The following SEMA3D variants were observed in gnomAD, a reference collection of about 807,000 sequenced individuals.
The protein encoded by SEMA3D is semaphorin-3D.
SEMA3D carries 84 observed loss-of-function variants against 100.1 expected under a neutral mutation model. The observed-to-expected ratio is 0.84, with a 90% CI of 0.70 to 1.01. The LOEUF is 1.01. Among genes scored for constraint, SEMA3D ranks in the 50% least tolerant of loss-of-function variants. The pLI, the probability that SEMA3D is intolerant of heterozygous loss-of-function variation, is 0.00. For synonymous variants in SEMA3D, 312 were observed against 320.7 expected (o/e 0.97, Z 0.29); for missense variants, 875 against 934.1 (o/e 0.94, Z 0.82).
chr7:85,064,387 T>C (rs570072384), intron 8 of SEMA3D, among the ~76,000 whole-genome samples: 1 of 152,350 alleles, frequency 6.6e-6, no homozygotes, highest in South Asian at 2.1e-4. Context: ...GTCATGGATA[T>C]TCTATATTTG....
intron 2 of SEMA3D, among the ~76,000 whole-genome samples, chr7:85,148,079 T>A (rs58237313): frequency 6.6e-6 from 1 of 151,972 alleles, no homozygotes; most frequent in Admixed American, 6.6e-5. Flanking sequence ...TATTTAAAGG[T>A]ATGGAAACTT....
At chr7:85,182,788 T>C (rs1409008837) in intron 1 of SEMA3D, among the ~76,000 whole-genome samples, 1 of 152,190 alleles carries the variant, frequency 6.6e-6, no homozygotes, top group Non-Finnish European at 1.5e-5. Context: ...AATGTGAATA[T>C]TTGTTTCTCC....
chr7:85,141,719 A>C (rs1297011816), intron 2 of SEMA3D: 2 of 905,610 alleles, frequency 2.2e-6, no homozygotes, highest in African/African-American at 3.6e-5. Context: ...TTTAGTATCT[A>C]ATAATGTTTT....
Position 85,022,519 on chromosome 7 carries a change from T to A in SEMA3D, c.1286A>T (p.Lys429Met), listed in dbSNP as rs1291260515. ...SFIKRHSVMY[K>M]SVYPVAGGPT... ...TCCTCCTGCAACTGGGTATACGGAC[T>A]TATACATCACAGAGTGCCGCTTTAT... Residue 429 changes from lysine (K) to methionine (M), a missense_variant, in exon 13 of 19, where the codon AAG becomes ATG. Coordinates refer to ENST00000284136, the MANE Select transcript of SEMA3D (RefSeq NM_001384900.1). 2.5e-6 allele frequency: 4 copies of A among 1,612,362 alleles called. No individual in the cohort carries two copies. The highest frequency in any genetic ancestry group is 3.4e-6 in the Non-Finnish European group (4 of 1,178,780).
chr7:85,144,997 T>C (rs998281868), intron 2 of SEMA3D, among the ~76,000 whole-genome samples: 15 of 152,132 alleles, frequency 9.9e-5, no homozygotes, highest in African/African-American at 3.4e-4. Context: ...ATTTTATTTG[T>C]TTATAAAGCA....
chr7:85,016,071 C>A (rs921513893), intron 15 of SEMA3D, among the ~76,000 whole-genome samples: 1 of 151,338 alleles, frequency 6.6e-6, no homozygotes, highest in African/African-American at 2.4e-5. Flanking sequence ...CCTTTAGCAC[C>A]CATTAAACTG....
intron 12 of SEMA3D, among the ~76,000 whole-genome samples, chr7:85,025,145 A>G (rs1335985589): frequency 6.6e-6 from 1 of 152,048 alleles, no homozygotes; most frequent in Non-Finnish European, 1.5e-5. Context: ...TGAACATACC[A>G]TACGGGGACA....
At chr7:85,072,730 G>A (rs995090233) in intron 6 of SEMA3D, among the ~76,000 whole-genome samples, 1 of 151,954 alleles carries the variant, frequency 6.6e-6, no homozygotes. Context: ...TTTTTGTTTT[G>A]TTTTGTTTTA....
intron 1 of SEMA3D, chr7:85,167,298 T>C (rs1790933466): frequency 1.0e-6 from 1 of 984,942 alleles, no homozygotes; most frequent in Non-Finnish European, 1.2e-6. Context: ...CAAGAGTATC[T>C]GGAAATATGC....
At chr7:85,125,909 C>T (rs888783216) in intron 2 of SEMA3D, among the ~76,000 whole-genome samples, 1 of 151,856 alleles carries the variant, frequency 6.6e-6, no homozygotes, top group South Asian at 2.1e-4. Flanking sequence ...ATAGGTTATA[C>T]TGCATGCTAC....
intron 12 of SEMA3D, 50 bp from the exon 13 acceptor site, chr7:85,022,663 A>C (rs955764424): frequency 8.6e-6 from 10 of 1,166,728 alleles, no homozygotes; most frequent in Non-Finnish European, 1.2e-5. Context: ...GCACCTGAGA[A>C]GTTCACACTT....
In SEMA3D at chr7:85,147,092, CTTTTTT is replaced by C. The variant is rs752922884; in HGVS notation, c.-41+6510_-41+6515del. Among the ~76,000 whole-genome samples, 188 of 48,140 alleles carry C rather than the reference CTTTTTT, an allele frequency of 3.9e-3. 1 individual carries two copies. The highest frequency in any genetic ancestry group is 0.017 in the African/African-American group (175 of 10,280). The allele number at this position is 48,140 out of a possible 152,430, so 31.6% of individuals were successfully genotyped here. A position where few individuals can be genotyped will look rare whatever the true frequency, so the allele number is the denominator to read the frequency against. On this transcript the variant is annotated intron_variant, in intron 2 of 18. Transcript: ENST00000284136. ...TCTTTCTTTCTTTTCTTTTTCTTTT[CTTTTTT>C]TTTTTTTTTTTTTTTTTTTTTGAGA...
intron 9 of SEMA3D, among the ~76,000 whole-genome samples, chr7:85,051,607 T>C (rs1413769298): frequency 6.6e-6 from 1 of 151,944 alleles, no homozygotes; most frequent in African/African-American, 2.4e-5. Context: ...AACTTCAAGA[T>C]CTGCCAGTGT....
the SEMA3D span, among the ~76,000 whole-genome samples, chr7:85,218,698 T>C: frequency 6.6e-6 from 1 of 152,134 alleles, no homozygotes; most frequent in Admixed American, 6.6e-5. Flanking sequence ...TACATACAAA[T>C]TGTAATATTG....
chr7:84,999,463 G>A lies in SEMA3D; in HGVS notation c.2311C>T (p.Leu771Phe), dbSNP rs1304936042. The A allele has an allele frequency of 3.1e-6, 5 of 1,613,780 alleles. No homozygotes were observed. The highest frequency in any genetic ancestry group is 3.3e-4 in the Middle Eastern group (2 of 6,084). The stretch of plus-strand genomic sequence containing the variant: ...AACTACGTGGCTACAGCTCTAGGGA[G>A]CTCATCCAGGTCTCTGTGATGTCTT... ...NRRHHRDLDE[L>F]PRAVAT is the part of the protein sequence containing the mutation. Residue 771 changes from leucine (L) to phenylalanine (F), a missense_variant, in exon 19 of 19, where the codon CTC (leucine) becomes TTC (phenylalanine). Coordinates refer to ENST00000284136, the MANE Select transcript of SEMA3D (RefSeq NM_001384900.1).
At position 84,999,867 on chromosome 7, in the gene SEMA3D, T is replaced by G. The variant is rs775080893; in HGVS notation, c.1909-2A>C. On this transcript the variant is annotated splice_acceptor_variant, in intron 18 of 18. Coordinates refer to ENST00000284136, the MANE Select transcript of SEMA3D (RefSeq NM_001384900.1). LOFTEE classifies it high-confidence loss of function. ...GATGATTCTTTCATCGGGCTTCAAC[T>G]GCAGAATTGGAAAAATGTAGGTAAT... 1 of 1,610,222 alleles carries G rather than the reference T, an allele frequency of 6.2e-7. No individual in the cohort carries two copies. The highest frequency in any genetic ancestry group is 8.5e-7 in the Non-Finnish European group (1 of 1,177,458).
At chr7:85,007,168 G>T (rs1789821540) in intron 17 of SEMA3D, among the ~76,000 whole-genome samples, 1 of 151,660 alleles carries the variant, frequency 6.6e-6, no homozygotes, top group Non-Finnish European at 1.5e-5. Flanking sequence ...CAATATATTA[G>T]CTATTTGCAC....
At chr7:85,073,428 T>G (rs1022619682) in intron 5 of SEMA3D, among the ~76,000 whole-genome samples, 1 of 152,104 alleles carries the variant, frequency 6.6e-6, no homozygotes, top group African/African-American at 2.4e-5. Context: ...TCTCTTTTTT[T>G]TTTTAGAGAT....
At chr7:85,240,123 A>G in the SEMA3D span, among the ~76,000 whole-genome samples, 1 of 152,134 alleles carries the variant, frequency 6.6e-6, no homozygotes, top group African/African-American at 2.4e-5. Flanking sequence ...GTTTCTTATT[A>G]AGTATGATGT....
Sources: allele counts gnomAD v4.1 joint callset (sites outside exome capture counted in the v4.1 genomes callset), GRCh38; gene constraint gnomAD v4.1.1; transcripts MANE v1.5; gene names NCBI Gene and HGNC (gene_info 2026-07-23, HGNC 2026-07-21).